Variants in MCTP1 observed in about 807,000 individuals in gnomAD.
MCTP1 encodes the protein multiple C2 and transmembrane domain containing 1.
A neutral mutation model predicts 120.6 loss-of-function variants in MCTP1; 69 were observed. The ratio of observed to expected loss-of-function variants is 0.57; its 90% CI spans 0.47 to 0.70. The LOEUF (loss-of-function observed/expected upper bound fraction) is 0.70, where lower values mean the gene tolerates loss of function less well. Ranked by LOEUF, MCTP1 falls within the 30% of genes least tolerant of loss-of-function variation. The pLI is 0.00. For synonymous variants in MCTP1, 529 were observed against 493.1 expected (o/e 1.07, Z -0.96); for missense variants, 1,203 against 1,248.8 (o/e 0.96, Z 0.55).
chr5:95,220,200 T>C (rs1461386020), intron 1 of MCTP1, among the ~76,000 whole-genome samples: 1 of 152,232 alleles, frequency 6.6e-6, no homozygotes, highest in Non-Finnish European at 1.5e-5. Flanking sequence ...AAAATACTGA[T>C]TAAGTACATG....
intron 17 of MCTP1, among the ~76,000 whole-genome samples, chr5:94,827,022 TG>T (rs985854059): frequency 1.3e-5 from 2 of 152,094 alleles, no homozygotes; most frequent in Non-Finnish European, 2.9e-5. Flanking sequence ...TGATGCTAGC[TG>T]GTTATTTTGC....
At chr5:94,818,775 T>TTAC (rs1785004606) in intron 17 of MCTP1, among the ~76,000 whole-genome samples, 1 of 152,188 alleles carries the variant, frequency 6.6e-6, no homozygotes, top group African/African-American at 2.4e-5. Context: ...AGTGTGAGAC[T>TTAC]TACCTTCCTG....
chr5:94,716,065 C>T (rs145352326), intron 19 of MCTP1, among the ~76,000 whole-genome samples: 2,543 of 152,310 alleles, frequency 0.017, 29 homozygotes, highest in Non-Finnish European at 0.026. Context: ...AAACTGCGGG[C>T]AAGTGAATGA....
rs560314636 is a variant in MCTP1 at position 95,244,304 on chromosome 5, C to G, written c.720+39552G>C. On this transcript the variant is annotated intron_variant, in intron 1 of 22. Coordinates refer to ENST00000515393, the MANE Select transcript of MCTP1 (RefSeq NM_024717.7). ...ATTTCTGCATTTCCAACTGAGGTAC[C>G]TGGTTCATCTCATTGGGACTGGTTG... Among the ~76,000 whole-genome samples, 95 of 152,314 alleles carry G rather than the reference C, an allele frequency of 6.2e-4. 2 individuals are homozygous for G. The highest frequency in any genetic ancestry group is 6.0e-3 in the Admixed American group (92 of 15,304).
intron 19 of MCTP1, among the ~76,000 whole-genome samples, chr5:94,741,866 CTAAACCTCAGTT>C (rs1765598967): frequency 6.6e-6 from 1 of 152,208 alleles, no homozygotes; most frequent in Non-Finnish European, 1.5e-5. Context: ...CTTAACCTCC[CTAAACCTCAGTT>C]TCCTCAGATG....
At chr5:94,970,986 T>C (rs1826721091) in intron 2 of MCTP1, among the ~76,000 whole-genome samples, 1 of 152,026 alleles carries the variant, frequency 6.6e-6, no homozygotes, top group Admixed American at 6.6e-5. Flanking sequence ...TCACACTGGG[T>C]ATTATTAATT....
chr5:95,244,101 GA>G (rs1279169476), intron 1 of MCTP1, among the ~76,000 whole-genome samples: 1 of 152,186 alleles, frequency 6.6e-6, no homozygotes, highest in Non-Finnish European at 1.5e-5. Flanking sequence ...GTCTCCTAAG[GA>G]TAATGCCTCC....
chr5:95,055,846 GA>G (rs143448729), intron 1 of MCTP1, among the ~76,000 whole-genome samples: 6 of 151,838 alleles, frequency 4.0e-5, no homozygotes, highest in Non-Finnish European at 7.4e-5. Context: ...AGCAATGTGT[GA>G]AAAAAAATAT....
intron 1 of MCTP1, among the ~76,000 whole-genome samples, chr5:95,238,667 T>C (rs1330394831): frequency 1.3e-5 from 2 of 152,164 alleles, no homozygotes; most frequent in African/African-American, 4.8e-5. Context: ...GCAGCAGGAA[T>C]CCTGGAACAA....
rs144573143 is a variant in MCTP1, at chr5:94,966,065, T to A, written c.839-12704A>T. The stretch of plus-strand genomic sequence containing the variant: ...ATACCAGCACAAACAGATTAAACAA[T>A]CCTCAAACTGACTTTGAGTTGGAAA... On this transcript the variant is annotated intron_variant, in intron 2 of 22. Transcript: ENST00000515393. Among the ~76,000 whole-genome samples, 82 of 152,260 alleles carry A rather than the reference T, an allele frequency of 5.4e-4. No individual in the cohort carries two copies. The East Asian group carries it at 0.015, about 27-fold the overall frequency.
At chr5:94,806,972 TTTCAA>T (rs1292159695) in intron 17 of MCTP1, among the ~76,000 whole-genome samples, 2 of 152,344 alleles carry the variant, frequency 1.3e-5, no homozygotes, top group Non-Finnish European at 2.9e-5. Flanking sequence ...TCCTTCCTAA[TTTCAA>T]TTCATTTTTT....
chr5:94,962,125 T>A (rs1581594125), intron 2 of MCTP1, among the ~76,000 whole-genome samples: 1 of 142,380 alleles, frequency 7.0e-6, no homozygotes, highest in South Asian at 2.3e-4. Context: ...ATGGCTATAA[T>A]AATAATAAAA....
chr5:95,265,232 A>G (rs1758788006), intron 1 of MCTP1, among the ~76,000 whole-genome samples: 1 of 148,294 alleles, frequency 6.7e-6, no homozygotes, highest in Admixed American at 6.7e-5. Flanking sequence ...GGCCTTCTGT[A>G]CAACAAGCTT....
chr5:94,764,288 G>T (rs1339438675), intron 19 of MCTP1, among the ~76,000 whole-genome samples: 1 of 152,168 alleles, frequency 6.6e-6, no homozygotes, highest in African/African-American at 2.4e-5. Flanking sequence ...AGGTGACATT[G>T]TCACCACCAT....
intron 1 of MCTP1, among the ~76,000 whole-genome samples, chr5:95,136,594 A>G (rs1194658472): frequency 6.6e-6 from 1 of 152,206 alleles, no homozygotes. Flanking sequence ...GAAGTCAAGA[A>G]GAGAGAAGAG....
chr5:94,789,871 T>C (rs948705748), intron 18 of MCTP1, among the ~76,000 whole-genome samples: 7 of 152,136 alleles, frequency 4.6e-5, no homozygotes, highest in African/African-American at 1.7e-4. Context: ...ATGAAAGTAA[T>C]TTTGCATAAA....
chr5:95,028,034 A>T (rs1386919269), intron 1 of MCTP1, among the ~76,000 whole-genome samples: 1 of 152,218 alleles, frequency 6.6e-6, no homozygotes, highest in Non-Finnish European at 1.5e-5. Context: ...GGACTAGCTC[A>T]CCACTCAAAG....
intron 9 of MCTP1, among the ~76,000 whole-genome samples, chr5:94,909,841 T>C (rs1807974670): frequency 6.6e-6 from 1 of 152,042 alleles, no homozygotes; most frequent in East Asian, 1.9e-4. Flanking sequence ...CTTGAGTACA[T>C]GAAAAACAGA....
intron 5 of MCTP1, among the ~76,000 whole-genome samples, chr5:94,935,954 T>G (rs1816085602): frequency 6.6e-6 from 1 of 152,040 alleles, no homozygotes; most frequent in African/African-American, 2.4e-5. Flanking sequence ...AAATTTAACT[T>G]TAAGATACAT....
Sources: gnomAD v4.1 joint callset for allele counts (sites outside exome capture counted in the v4.1 genomes callset) on GRCh38, gnomAD v4.1.1 for gene constraint, MANE v1.5 for transcripts, NCBI Gene and HGNC (gene_info 2026-07-23, HGNC 2026-07-21) for gene names.